Variants in CFAP221 observed in about 807,000 individuals in gnomAD.
CFAP221 encodes cilia- and flagella-associated protein 221.
A neutral mutation model predicts 113.1 loss-of-function variants in CFAP221; 97 were observed. The ratio of observed to expected loss-of-function variants is 0.86; its 90% CI spans 0.73 to 1.02. The LOEUF (loss-of-function observed/expected upper bound fraction) is 1.02, where lower values mean the gene tolerates loss of function less well. Ranked by LOEUF, CFAP221 falls within the 50% of genes least tolerant of loss-of-function variation. The probability of loss-of-function intolerance (pLI) is 0.00; values close to 1 mark genes in which losing one functional copy is unlikely to be tolerated. For synonymous variants in CFAP221, 331 were observed against 354.4 expected (o/e 0.93, Z 0.74); for missense variants, 1,025 against 1,013.4 (o/e 1.01, Z -0.16).
chr2:119,588,957 A>C (rs1198606983), intron 7 of CFAP221, among the ~76,000 whole-genome samples: 1 of 152,178 alleles, frequency 6.6e-6, no homozygotes, highest in Non-Finnish European at 1.5e-5. Context: ...ATCCAGGAAC[A>C]AAGAAAGACC....
At chr2:119,609,674 G>C (rs1685018226) in intron 12 of CFAP221, among the ~76,000 whole-genome samples, 1 of 152,138 alleles carries the variant, frequency 6.6e-6, no homozygotes. Context: ...CACATGCTGA[G>C]TTCTAGGGGT....
At chr2:119,583,337 A>G (rs1384789958) in intron 6 of CFAP221, among the ~76,000 whole-genome samples, 1 of 151,710 alleles carries the variant, frequency 6.6e-6, no homozygotes, top group East Asian at 1.9e-4. Context: ...CTTCAATGCA[A>G]TGATCAGAAA....
chr2:119,571,174 C>T (rs1296673747), intron 6 of CFAP221, among the ~76,000 whole-genome samples: 2 of 119,202 alleles, frequency 1.7e-5, no homozygotes, highest in Non-Finnish European at 3.3e-5. Context: ...GAGTTTCACT[C>T]TTGTCACCCA....
chr2:119,564,553 T>G (rs894861634), intron 6 of CFAP221, among the ~76,000 whole-genome samples: 2 of 152,236 alleles, frequency 1.3e-5, no homozygotes, highest in African/African-American at 2.4e-5. Context: ...GTAGTTTTGA[T>G]GCATGCACAT....
Position 119,642,385 on chromosome 2 carries a change from AATTT to A in CFAP221, c.2225+2518_2225+2521del, listed in dbSNP as rs1444607046. On this transcript the variant is annotated intron_variant, in intron 21 of 23. Transcript: ENST00000413369. Reference sequence around the variant, plus strand: ...ATAGATGTAATTTATGAACAACTGAAATTTATTTCTCAGTTCTGGAGACTGGGAA... The same window carrying A: ...ATAGATGTAATTTATGAACAACTGAAATTTCTCAGTTCTGGAGACTGGGAA... Among the ~76,000 whole-genome samples the A allele has an allele frequency of 4.6e-5, 7 of 152,086 alleles. No homozygotes were observed. In the East Asian group the frequency reaches 1.3e-3, roughly 29 times the overall value.
intron 23 of CFAP221, 64 bp from the exon 24 acceptor site, chr2:119,656,298 G>C (rs563042695): frequency 3.1e-6 from 4 of 1,303,870 alleles, no homozygotes; most frequent in Non-Finnish European, 4.4e-6. Context: ...CTGCTGGCGG[G>C]GGGTGATTTG....
intron 6 of CFAP221, among the ~76,000 whole-genome samples, chr2:119,581,301 G>GAATC (rs1362062407): frequency 6.6e-6 from 1 of 152,132 alleles, no homozygotes; most frequent in Non-Finnish European, 1.5e-5. Context: ...TGAGATGATT[G>GAATC]AGGCAAACTT....
At chr2:119,577,590 C>T (rs1240907655) in intron 6 of CFAP221, among the ~76,000 whole-genome samples, 5 of 152,186 alleles carry the variant, frequency 3.3e-5, no homozygotes, top group African/African-American at 1.2e-4. Context: ...AACTCCACTT[C>T]ACCATTTATT....
chr2:119,584,958 A>G (rs1299389162), intron 6 of CFAP221, among the ~76,000 whole-genome samples: 3 of 152,206 alleles, frequency 2.0e-5, no homozygotes, highest in Non-Finnish European at 4.4e-5. Context: ...AAGTAGCTCT[A>G]CTGCAGGTGC....
chr2:119,568,338 T>G (rs1370796011), intron 6 of CFAP221, among the ~76,000 whole-genome samples: 1 of 152,232 alleles, frequency 6.6e-6, no homozygotes, highest in East Asian at 1.9e-4. Flanking sequence ...TATTTTTATT[T>G]TTATTTTAAG....
chr2:119,654,941 G>A (rs563305795), intron 23 of CFAP221, among the ~76,000 whole-genome samples: 4 of 152,268 alleles, frequency 2.6e-5, no homozygotes, highest in Admixed American at 2.0e-4. Context: ...GCCTAATCCT[G>A]TGCTCAGTTT....
intron 12 of CFAP221, among the ~76,000 whole-genome samples, chr2:119,611,420 CAAAAAAAAAA>C (rs10689517): frequency 8.8e-6 from 1 of 113,492 alleles, no homozygotes; most frequent in South Asian, 2.7e-4. Flanking sequence ...GAGACAACGT[CAAAAAAAAAA>C]AAAAAAAAAA....
At chr2:119,547,644 G>C (rs538597140) in intron 2 of CFAP221, among the ~76,000 whole-genome samples, 1 of 152,188 alleles carries the variant, frequency 6.6e-6, no homozygotes, top group East Asian at 1.9e-4. Flanking sequence ...GCTTAAAAAT[G>C]ACCAAATAAT....
chr2:119,626,475 T>C (rs1294589740), intron 15 of CFAP221, among the ~76,000 whole-genome samples: 1 of 152,152 alleles, frequency 6.6e-6, no homozygotes, highest in African/African-American at 2.4e-5. Context: ...TGGCTGTGAC[T>C]AGACCTCCTG....
chr2:119,652,018 T>G lies in CFAP221; in HGVS notation c.2363T>G (p.Met788Arg). The change falls in exon 23 of 24, where the codon ATG (methionine) becomes AGG (arginine). Residue 788 changes from methionine (M) to arginine (R), a missense_variant. Physicochemically the swap from Met to Arg is moderately conservative, Grantham distance 91. Coordinates refer to ENST00000413369, the MANE Select transcript of CFAP221 (RefSeq NM_001271049.2). Reference protein sequence around the residue: ...QNVEVMLTPEMIKVEFPMLNY... With the variant: ...QNVEVMLTPERIKVEFPMLNY... The stretch of plus-strand genomic sequence containing the variant: ...GTAGAAGTTATGTTGACTCCAGAAA[T>G]GATCAAAGTGGAATTCCCTATGTTG... 1.2e-6 allele frequency: 2 copies of G among 1,613,572 alleles called. No individual in the cohort carries two copies. Among genetic ancestry groups the G allele is most frequent in the Non-Finnish European group, 1.7e-6 (2 of 1,179,740 alleles).
chr2:119,647,125 CT>C, intron 22 of CFAP221, 75 bp downstream of exon 22: 2 of 1,165,700 alleles, frequency 1.7e-6, no homozygotes, highest in South Asian at 2.6e-5. Flanking sequence ...CTGTGAGGAA[CT>C]TCAGAATAGC....
intron 8 of CFAP221, among the ~76,000 whole-genome samples, chr2:119,603,699 A>T (rs1475053871): frequency 6.6e-6 from 1 of 152,244 alleles, no homozygotes; most frequent in East Asian, 1.9e-4. Flanking sequence ...CTATTATGCC[A>T]AATTGGTACT....
At chr2:119,595,264 G>A (rs1683880423) in intron 7 of CFAP221, among the ~76,000 whole-genome samples, 1 of 152,206 alleles carries the variant, frequency 6.6e-6, no homozygotes, top group African/African-American at 2.4e-5. Context: ...AGAGTAGTTA[G>A]AGACTTTTCC....
chr2:119,622,126 T>C (rs1051851684), intron 14 of CFAP221, among the ~76,000 whole-genome samples: 12 of 152,090 alleles, frequency 7.9e-5, no homozygotes, highest in African/African-American at 2.9e-4. Flanking sequence ...CCAGCCGGAC[T>C]AATATAGAAG....
Sources: allele counts gnomAD v4.1 joint callset (sites outside exome capture counted in the v4.1 genomes callset), GRCh38; gene constraint gnomAD v4.1.1; transcripts MANE v1.5; gene names NCBI Gene and HGNC (gene_info 2026-07-23, HGNC 2026-07-21).